FAM107B: variants seen among roughly 807,000 people sequenced by gnomAD.
FAM107B encodes family with sequence similarity 107 member B.
A neutral mutation model predicts 31.5 loss-of-function variants in FAM107B; 21 were observed. The ratio of observed to expected loss-of-function variants is 0.67; its 90% CI spans 0.47 to 0.96. The LOEUF (loss-of-function observed/expected upper bound fraction) is 0.96, where lower values mean the gene tolerates loss of function less well. Ranked by LOEUF, FAM107B falls within the 40% of genes least tolerant of loss-of-function variation. FAM107B has a pLI of 0.00. For synonymous variants in FAM107B, 157 were observed against 141.5 expected (o/e 1.11, Z -0.78); for missense variants, 452 against 377.1 (o/e 1.20, Z -1.64).
intron 2 of FAM107B, chr10:14,572,008 T>C (rs935680154): frequency 2.0e-6 from 2 of 985,258 alleles, no homozygotes; most frequent in African/African-American, 3.5e-5. Flanking sequence ...CTGTGGTAGT[T>C]CCTTAGAGCG....
chr10:14,673,683 T>A (rs1854612327), intron 1 of FAM107B, among the ~76,000 whole-genome samples: 1 of 152,148 alleles, frequency 6.6e-6, no homozygotes, highest in South Asian at 2.1e-4. Context: ...ATATGGTCGT[T>A]CTATTTTTAG....
At chr10:14,647,815 G>A (rs922978690) in intron 2 of FAM107B, among the ~76,000 whole-genome samples, 5 of 152,030 alleles carry the variant, frequency 3.3e-5, no homozygotes, top group African/African-American at 4.8e-5. Context: ...CTGTACCAAT[G>A]ACCAATGCTC....
At chr10:14,544,164 C>A (rs1335502646) in intron 2 of FAM107B, among the ~76,000 whole-genome samples, 3 of 152,132 alleles carry the variant, frequency 2.0e-5, no homozygotes, top group Non-Finnish European at 4.4e-5. Context: ...AAGTCTGTAT[C>A]CTGGGGCTCC....
At chr10:14,576,062 A>G (rs1001259039) in intron 2 of FAM107B, among the ~76,000 whole-genome samples, 3 of 152,354 alleles carry the variant, frequency 2.0e-5, no homozygotes, top group Admixed American at 2.0e-4. Context: ...AGAAAGTAGA[A>G]TGCTGCTTCC....
intron 2 of FAM107B, among the ~76,000 whole-genome samples, chr10:14,576,931 C>T (rs903921050): frequency 5.9e-5 from 9 of 152,042 alleles, no homozygotes; most frequent in Admixed American, 3.3e-4. Context: ...CTATTAAACA[C>T]GACGAAAAAA....
intron 1 of FAM107B, among the ~76,000 whole-genome samples, chr10:14,724,211 TC>T (rs1855978380): frequency 6.6e-6 from 1 of 152,240 alleles, no homozygotes; most frequent in African/African-American, 2.4e-5. Context: ...ATTTAGGTCT[TC>T]TTTTGCAAAT....
intron 2 of FAM107B, chr10:14,556,452 G>A (rs1294018472): frequency 9.2e-6 from 9 of 977,898 alleles, no homozygotes; most frequent in South Asian, 4.7e-5. Context: ...CCAGAGAGCA[G>A]CCCAGGCCAC....
chr10:14,547,628 A>T (rs1848821059), intron 2 of FAM107B, among the ~76,000 whole-genome samples: 1 of 152,146 alleles, frequency 6.6e-6, no homozygotes, highest in Non-Finnish European at 1.5e-5. Context: ...TGCTCAAAAA[A>T]TTTTGAATTT....
chr10:14,596,493 A>T (rs1335105651), intron 2 of FAM107B, among the ~76,000 whole-genome samples: 2 of 152,232 alleles, frequency 1.3e-5, no homozygotes, highest in African/African-American at 4.8e-5. Context: ...GAAATGTCAT[A>T]AAGAACTTGA....
At chr10:14,725,930 A>G (rs1445099232) in intron 1 of FAM107B, among the ~76,000 whole-genome samples, 10 of 150,790 alleles carry the variant, frequency 6.6e-5, no homozygotes, top group Non-Finnish European at 1.2e-4. Flanking sequence ...GGTTCAAGCA[A>G]TTCTCCTGCC....
intron 2 of FAM107B, among the ~76,000 whole-genome samples, chr10:14,539,417 C>A (rs1847955173): frequency 6.6e-6 from 1 of 152,022 alleles, no homozygotes; most frequent in Non-Finnish European, 1.5e-5. Context: ...TGTACCTCCC[C>A]AAAGTCTGCA....
At chr10:14,755,278 G>A (rs1170507773) in intron 1 of FAM107B, among the ~76,000 whole-genome samples, 1 of 152,092 alleles carries the variant, frequency 6.6e-6, no homozygotes, top group Non-Finnish European at 1.5e-5. Flanking sequence ...GTTGGGTATA[G>A]GAGAGTAGAA....
intron 1 of FAM107B, among the ~76,000 whole-genome samples, chr10:14,710,556 T>C (rs1855622694): frequency 1.3e-5 from 2 of 152,050 alleles, no homozygotes; most frequent in Non-Finnish European, 2.9e-5. Context: ...AATGACATTT[T>C]GGTCAATAAT....
intron 2 of FAM107B, among the ~76,000 whole-genome samples, chr10:14,664,102 C>T (rs933214215): frequency 1.3e-5 from 2 of 152,164 alleles, no homozygotes; most frequent in Non-Finnish European, 2.9e-5. Flanking sequence ...CTTTCACCTC[C>T]TTAGTGCTCC....
intron 2 of FAM107B, among the ~76,000 whole-genome samples, chr10:14,662,630 A>G (rs562863742): frequency 2.0e-5 from 3 of 152,144 alleles, no homozygotes; most frequent in African/African-American, 7.2e-5. Context: ...GATGTTTAAA[A>G]TCCCTTTCAT....
At chr10:14,624,114 A>G (rs923507710) in intron 2 of FAM107B, among the ~76,000 whole-genome samples, 2 of 152,314 alleles carry the variant, frequency 1.3e-5, no homozygotes, top group Non-Finnish European at 1.5e-5. Context: ...GAGGCAGGTG[A>G]GGGAAGCTGG....
rs146924236 is a variant in FAM107B at position 14,606,112 on chromosome 10, A to G, written c.469+61522T>C. The stretch of plus-strand genomic sequence containing the variant: ...GCTTCCTGCTACATGATCAAGTCGA[A>G]GCTCCCCAGCAAACATCCAAGGCTC... On this transcript the variant is annotated intron_variant, in intron 2 of 4. Coordinates refer to ENST00000181796, the MANE Select transcript of FAM107B (RefSeq NM_031453.4). 4.9e-3 allele frequency among the ~76,000 whole-genome samples: 748 copies of G among 152,174 alleles called. 7 individuals carry two copies. The highest frequency in any genetic ancestry group is 0.017 in the African/African-American group (724 of 41,494).
chr10:14,657,058 G>A (rs1588687497), intron 2 of FAM107B, among the ~76,000 whole-genome samples: 1 of 152,350 alleles, frequency 6.6e-6, no homozygotes, highest in East Asian at 1.9e-4. Flanking sequence ...AGGCACATGT[G>A]CCCAGTCCAT....
intron 2 of FAM107B, among the ~76,000 whole-genome samples, chr10:14,634,576 AC>A (rs1853448806): frequency 6.6e-6 from 1 of 151,910 alleles, no homozygotes; most frequent in Non-Finnish European, 1.5e-5. Context: ...CCCACAGAAA[AC>A]AGCTGCCAGC....
Sources: gnomAD v4.1 joint callset for allele counts (sites outside exome capture counted in the v4.1 genomes callset) on GRCh38, gnomAD v4.1.1 for gene constraint, MANE v1.5 for transcripts, NCBI Gene and HGNC (gene_info 2026-07-23, HGNC 2026-07-21) for gene names.